OSBP2: variants seen among roughly 807,000 people sequenced by gnomAD.
The protein encoded by OSBP2 is oxysterol-binding protein 2.
Under a neutral mutation model 96.0 loss-of-function variants are expected in OSBP2, and 66 were observed. The observed-to-expected ratio is 0.69, with a 90% CI of 0.56 to 0.84. OSBP2 has a LOEUF of 0.84. Ranked by LOEUF, OSBP2 falls within the 40% of genes least tolerant of loss-of-function variation. The pLI, the probability that OSBP2 is intolerant of heterozygous loss-of-function variation, is 0.00. For missense variants in OSBP2, 1,038 were observed against 1,222.7 expected, an observed-to-expected ratio of 0.85 and a Z score of 2.25; for synonymous variants, 525 against 520.9, an observed-to-expected ratio of 1.01 and a Z score of -0.11.
At chr22:30,753,941 C>T (rs2090109996) in intron 2 of OSBP2, among the ~76,000 whole-genome samples, 1 of 152,218 alleles carries the variant, frequency 6.6e-6, no homozygotes, top group African/African-American at 2.4e-5. Flanking sequence ...TGGCAGCTCT[C>T]ACATTCCCTT....
intron 2 of OSBP2, among the ~76,000 whole-genome samples, chr22:30,757,131 C>T (rs535637961): frequency 6.6e-6 from 1 of 152,286 alleles, no homozygotes; most frequent in South Asian, 2.1e-4. Context: ...GAGTCCCTCA[C>T]CACCTTTCTC....
intron 2 of OSBP2, among the ~76,000 whole-genome samples, chr22:30,839,210 G>A (rs2038697184): frequency 1.4e-5 from 2 of 143,212 alleles, no homozygotes; most frequent in South Asian, 4.5e-4. Flanking sequence ...AGTATTCCAT[G>A]GTGTATATGT....
intron 1 of OSBP2, among the ~76,000 whole-genome samples, chr22:30,705,314 A>G (rs572055185): frequency 1.0e-4 from 15 of 150,488 alleles, no homozygotes; most frequent in African/African-American, 3.4e-4. Context: ...TGTTGTTGAG[A>G]TGGAGTTTTG....
intron 2 of OSBP2, among the ~76,000 whole-genome samples, chr22:30,774,815 G>A (rs1569118003): frequency 6.6e-6 from 1 of 152,174 alleles, no homozygotes; most frequent in African/African-American, 2.4e-5. Flanking sequence ...ATTTTATTAT[G>A]TATACTTAGG....
chr22:30,730,292 A>G (rs915912318), intron 1 of OSBP2, among the ~76,000 whole-genome samples: 5 of 152,194 alleles, frequency 3.3e-5, no homozygotes, highest in African/African-American at 9.6e-5. Flanking sequence ...CAATTTTTAT[A>G]AAGTATAAAA....
At chr22:30,840,226 GAAACTT>G (rs1047322156) in intron 2 of OSBP2, among the ~76,000 whole-genome samples, 2 of 143,004 alleles carry the variant, frequency 1.4e-5, no homozygotes, top group African/African-American at 2.6e-5. Context: ...AAAAAAGAAA[GAAACTT>G]AAAGTGCATC....
Position 30,858,788 on chromosome 22 carries a change from A to T in OSBP2, c.854-11641A>T, listed in dbSNP as rs12165942. On this transcript the variant is annotated intron_variant, in intron 2 of 13. Transcript: ENST00000332585. ...CAGCTACTCAGGAGGCTGAGGCAGG[A>T]GAACTGCTTGAACCCGGGAGATGGA... 2.5e-3 allele frequency among the ~76,000 whole-genome samples: 383 copies of T among 151,352 alleles called. 2 individuals are homozygous for T. The highest frequency in any genetic ancestry group is 9.0e-3 in the African/African-American group (370 of 41,142).
At chr22:30,872,860 C>G (rs1437033911) in intron 3 of OSBP2, among the ~76,000 whole-genome samples, 1 of 152,232 alleles carries the variant, frequency 6.6e-6, no homozygotes, top group Non-Finnish European at 1.5e-5. Flanking sequence ...CTCTCAGACA[C>G]CAAGGGTTCA....
At chr22:30,754,901 T>A (rs1212529010) in intron 2 of OSBP2, among the ~76,000 whole-genome samples, 2 of 152,166 alleles carry the variant, frequency 1.3e-5, no homozygotes, top group African/African-American at 2.4e-5. Flanking sequence ...TTCTGCTGAC[T>A]ACATCTTCCT....
In OSBP2 at chr22:30,870,574, C is replaced by T; in HGVS notation, c.999C>T (p.Ser333=). ...IAKHGAALQR[S]LTELDGLKIP... The stretch of plus-strand genomic sequence containing the variant: ...AGCACGGCGCTGCACTCCAGCGCTC[C>T]CTGACAGAGCTGGACGGCCTCAAGA... Residue 333 remains serine (S), a synonymous_variant, in exon 3 of 14, where the codon TCC becomes TCT. Transcript: ENST00000332585. The surrounding 1 kb of genome is among the most constrained non-coding windows in gnomAD (Gnocchi z 4.1). The T allele has an allele frequency of 6.2e-7, 1 of 1,613,996 alleles. No homozygotes were observed. Among genetic ancestry groups the T allele is most frequent in the Non-Finnish European group, 8.5e-7 (1 of 1,179,958 alleles).
chr22:30,767,246 G>A (rs1194302188), intron 2 of OSBP2, among the ~76,000 whole-genome samples: 9 of 151,660 alleles, frequency 5.9e-5, no homozygotes, highest in African/African-American at 2.2e-4. Flanking sequence ...GGAGGCAAAG[G>A]TTTCAGTGAG....
At chr22:30,763,936 G>C (rs1189318844) in intron 2 of OSBP2, among the ~76,000 whole-genome samples, 1 of 152,164 alleles carries the variant, frequency 6.6e-6, no homozygotes, top group Admixed American at 6.5e-5. Flanking sequence ...CTTGACACAG[G>C]GGGGCGCTAG....
intron 1 of OSBP2, among the ~76,000 whole-genome samples, chr22:30,724,527 A>G (rs1362488661): frequency 1.3e-5 from 2 of 152,118 alleles, no homozygotes; most frequent in African/African-American, 2.4e-5. Flanking sequence ...AGCTTCCACC[A>G]TGTCTTTTCA....
intron 1 of OSBP2, among the ~76,000 whole-genome samples, chr22:30,726,814 G>A (rs139243162): frequency 3.3e-5 from 5 of 152,280 alleles, no homozygotes; most frequent in Admixed American, 1.3e-4. Flanking sequence ...AATCAGGCCA[G>A]TAGAAAAATG....
At chr22:30,755,640 G>A (rs975204943) in intron 2 of OSBP2, among the ~76,000 whole-genome samples, 1 of 152,136 alleles carries the variant, frequency 6.6e-6, no homozygotes, top group African/African-American at 2.4e-5. Context: ...ACCAGGGCTG[G>A]CTTGCTCACC....
At chr22:30,859,662 C>T (rs2039167618) in intron 2 of OSBP2, among the ~76,000 whole-genome samples, 1 of 152,218 alleles carries the variant, frequency 6.6e-6, no homozygotes, top group Non-Finnish European at 1.5e-5. Context: ...GAGGACATGG[C>T]CTATAACCAG....
At chr22:30,851,859 G>A (rs569238726) in intron 2 of OSBP2, among the ~76,000 whole-genome samples, 29 of 152,100 alleles carry the variant, frequency 1.9e-4, no homozygotes, top group Non-Finnish European at 3.5e-4. Flanking sequence ...GTTTTTATCC[G>A]GAAGGGTTAT....
chr22:30,907,415 C>T lies in OSBP2; in HGVS notation c.*1076C>T, dbSNP rs2040355027. 6.6e-6 allele frequency: 1 copy of T among 152,068 alleles called. No homozygotes were observed. The highest frequency in any genetic ancestry group is 2.1e-4 in the South Asian group (1 of 4,826). 9.4% of individuals were successfully genotyped at this position (152,068 alleles called of 1,614,324 possible). A position where few individuals can be genotyped will look rare whatever the true frequency, so the allele number is the denominator to read the frequency against. ...AGTGAAAAAATGATGAAGACGGGTGCACCTGTCTGAGTTTGGCCCTCATGT... is the reference window on the plus strand; with the variant it reads ...AGTGAAAAAATGATGAAGACGGGTGTACCTGTCTGAGTTTGGCCCTCATGT... On this transcript the variant is annotated 3_prime_UTR_variant, in exon 14 of 14. Coordinates refer to ENST00000332585, the MANE Select transcript of OSBP2 (RefSeq NM_030758.4).
chr22:30,839,897 T>G (rs901475210), intron 2 of OSBP2, among the ~76,000 whole-genome samples: 2 of 152,132 alleles, frequency 1.3e-5, no homozygotes, highest in African/African-American at 4.8e-5. Context: ...TTTTGGTGTT[T>G]TAGACATGAA....
Sources: allele counts gnomAD v4.1 joint callset (sites outside exome capture counted in the v4.1 genomes callset), GRCh38; gene constraint gnomAD v4.1.1; non-coding constraint Gnocchi (gnomAD v3.1); transcripts MANE v1.5; gene names NCBI Gene and HGNC (gene_info 2026-07-23, HGNC 2026-07-21).